ARHGAP15: variants seen among roughly 807,000 people sequenced by gnomAD.
ARHGAP15 encodes the protein rho GTPase-activating protein 15.
A neutral mutation model predicts 63.7 loss-of-function variants in ARHGAP15; 51 were observed. The ratio of observed to expected loss-of-function variants is 0.80; its 90% confidence interval spans 0.64 to 1.01. ARHGAP15 has a LOEUF of 1.01. Among genes scored for constraint, ARHGAP15 ranks in the 50% least tolerant of loss-of-function variants. The pLI is 0.00. For synonymous variants in ARHGAP15, 191 were observed against 193.8 expected, an observed-to-expected ratio of 0.99 and a Z score of 0.12; for missense variants, 560 against 564.6, an observed-to-expected ratio of 0.99 and a Z score of 0.08.
At chr2:143,552,474 C>G (rs1180809770) in intron 10 of ARHGAP15, among the ~76,000 whole-genome samples, 1 of 151,888 alleles carries the variant, frequency 6.6e-6, no homozygotes, top group African/African-American at 2.4e-5. Context: ...CAGCTGCATT[C>G]TTTCCACTGG....
intron 8 of ARHGAP15, among the ~76,000 whole-genome samples, chr2:143,471,001 TATAG>T (rs1157342847): frequency 1.2e-4 from 12 of 98,324 alleles, no homozygotes; most frequent in South Asian, 3.1e-4. Flanking sequence ...TACATGTGTG[TATAG>T]ATAAAGAAGA....
intron 5 of ARHGAP15, among the ~76,000 whole-genome samples, chr2:143,246,801 C>T (rs201837702): frequency 8.6e-5 from 13 of 151,876 alleles, no homozygotes; most frequent in African/African-American, 2.2e-4. Flanking sequence ...CAGAAACACA[C>T]GGATAAGAAA....
intron 6 of ARHGAP15, among the ~76,000 whole-genome samples, chr2:143,344,412 T>C (rs1181491868): frequency 6.6e-6 from 1 of 152,132 alleles, no homozygotes. Context: ...CCTTTAGTTA[T>C]GTAATTATTT....
intron 13 of ARHGAP15, among the ~76,000 whole-genome samples, chr2:143,766,301 C>A (rs1471998064): frequency 6.6e-6 from 1 of 152,116 alleles, no homozygotes; most frequent in Admixed American, 6.6e-5. Flanking sequence ...TGAGTTCTCC[C>A]AACCAGGACG....
chr2:143,437,954 T>A (rs1319225991), intron 8 of ARHGAP15, among the ~76,000 whole-genome samples: 1 of 151,824 alleles, frequency 6.6e-6, no homozygotes, highest in African/African-American at 2.4e-5. Context: ...AACCAGAGAG[T>A]CAGAGGTTGC....
At chr2:143,282,681 C>T (rs1681911524) in intron 6 of ARHGAP15, among the ~76,000 whole-genome samples, 1 of 152,066 alleles carries the variant, frequency 6.6e-6, no homozygotes, top group Non-Finnish European at 1.5e-5. Context: ...TTAATTGCTC[C>T]ATCTTAAACG....
chr2:143,700,829 C>A (rs906711686), intron 12 of ARHGAP15, among the ~76,000 whole-genome samples: 2 of 152,154 alleles, frequency 1.3e-5, no homozygotes, highest in African/African-American at 4.8e-5. Flanking sequence ...TCACTCTCAT[C>A]TTCATTAACT....
chr2:143,436,902 G>T lies in ARHGAP15; in HGVS notation c.574-11G>T. Reference sequence around the variant, plus strand: ...GTAAAATTATTCAGTCTAATTATTTGCTGTTTCCAGCCAAAGGATTCAAGT... The same window carrying T: ...GTAAAATTATTCAGTCTAATTATTTTCTGTTTCCAGCCAAAGGATTCAAGT... On this transcript the variant is annotated splice_polypyrimidine_tract_variant and intron_variant, in intron 7 of 13. Transcript: ENST00000295095. 8.1e-6 allele frequency: 13 copies of T among 1,604,324 alleles called. No individual in the cohort carries two copies. The highest frequency in any genetic ancestry group is 1.0e-5 in the Non-Finnish European group (12 of 1,177,300).
chr2:143,513,192 A>T (rs1008022358), intron 9 of ARHGAP15, among the ~76,000 whole-genome samples: 1 of 152,234 alleles, frequency 6.6e-6, no homozygotes, highest in South Asian at 2.1e-4. Flanking sequence ...GAAATTCCAG[A>T]TGTCTAGGCT....
intron 6 of ARHGAP15, among the ~76,000 whole-genome samples, chr2:143,390,179 T>C (rs1687475701): frequency 6.6e-6 from 1 of 152,144 alleles, no homozygotes; most frequent in Non-Finnish European, 1.5e-5. Context: ...TATGAACAAC[T>C]TCATCAAAAA....
At chr2:143,145,423 A>G (rs116219733) in intron 1 of ARHGAP15, among the ~76,000 whole-genome samples, 1,620 of 151,992 alleles carry the variant, frequency 0.011, 33 homozygotes, top group African/African-American at 0.037. Context: ...CTCTCTTGCT[A>G]GGGTTGAGGT....
intron 13 of ARHGAP15, among the ~76,000 whole-genome samples, chr2:143,706,851 C>T (rs953529901): frequency 6.6e-6 from 1 of 152,106 alleles, no homozygotes; most frequent in African/African-American, 2.4e-5. Flanking sequence ...GTGATAGGCC[C>T]TGGAAGGTCC....
chr2:143,292,045 T>C (rs1052984031), intron 6 of ARHGAP15, among the ~76,000 whole-genome samples: 4 of 152,104 alleles, frequency 2.6e-5, no homozygotes, highest in Non-Finnish European at 4.4e-5. Context: ...GTGGTGCTAT[T>C]AGACAGCTAC....
intron 11 of ARHGAP15, among the ~76,000 whole-genome samples, chr2:143,620,462 G>A (rs993487205): frequency 6.6e-5 from 10 of 152,180 alleles, no homozygotes; most frequent in Admixed American, 5.9e-4. Flanking sequence ...ACAGGTAAAA[G>A]CATAGCCTCG....
At chr2:143,466,080 TTGCCTTTGTCACATTGGCA>T (rs1252675593) in intron 8 of ARHGAP15, among the ~76,000 whole-genome samples, 1 of 152,086 alleles carries the variant, frequency 6.6e-6, no homozygotes, top group Non-Finnish European at 1.5e-5. Flanking sequence ...TCTTTGTAGT[TTGCCTTTGTCACATTGGCA>T]TGCAGGGTGA....
chr2:143,378,961 G>T (rs1400969249), intron 6 of ARHGAP15, among the ~76,000 whole-genome samples: 13 of 151,488 alleles, frequency 8.6e-5, no homozygotes. Context: ...GAACCAATAA[G>T]GTTTTTTTTA....
At chr2:143,180,104 G>A (rs1056986143) in intron 2 of ARHGAP15, among the ~76,000 whole-genome samples, 3 of 152,096 alleles carry the variant, frequency 2.0e-5, no homozygotes, top group Non-Finnish European at 2.9e-5. Flanking sequence ...TTACCACATT[G>A]GTTGCCTCTT....
intron 13 of ARHGAP15, among the ~76,000 whole-genome samples, chr2:143,732,072 A>G (rs986323324): frequency 3.9e-5 from 6 of 152,214 alleles, no homozygotes; most frequent in African/African-American, 1.2e-4. Flanking sequence ...AGACAGATGA[A>G]TGAATGAATG....
chr2:143,371,267 G>A (rs1011399923), intron 6 of ARHGAP15, among the ~76,000 whole-genome samples: 1 of 152,134 alleles, frequency 6.6e-6, no homozygotes, highest in Non-Finnish European at 1.5e-5. Context: ...CTGTCATCTA[G>A]GTTTTAAGCC....
Sources: allele counts gnomAD v4.1 joint callset (sites outside exome capture counted in the v4.1 genomes callset), GRCh38; gene constraint gnomAD v4.1.1; transcripts MANE v1.5; gene names NCBI Gene and HGNC (gene_info 2026-07-23, HGNC 2026-07-21).